The following NBAS variants were observed in gnomAD, a reference collection of about 807,000 sequenced individuals.
The protein encoded by NBAS is NBAS subunit of NRZ tethering complex, also known as NAG/BC035112 fusion.
A neutral mutation model predicts 302.5 loss-of-function variants in NBAS; 219 were observed. The ratio of observed to expected loss-of-function variants is 0.72; its 90% CI spans 0.65 to 0.81. The LOEUF is 0.81. Among genes scored for constraint, NBAS ranks in the 30% least tolerant of loss-of-function variants. The pLI is 0.00. For synonymous variants in NBAS, 1,118 were observed against 1,021.6 expected, an observed-to-expected ratio of 1.09 and a Z score of -1.80; for missense variants, 2,932 against 2,841.6, an observed-to-expected ratio of 1.03 and a Z score of -0.72.
At chr2:15,495,005 C>T (rs1484731112) in intron 11 of NBAS, among the ~76,000 whole-genome samples, 1 of 152,210 alleles carries the variant, frequency 6.6e-6, no homozygotes, top group Non-Finnish European at 1.5e-5. Context: ...ACGCAGGGAA[C>T]ATCTCTTGGC....
chr2:14,929,855 T>G, the NBAS span, among the ~76,000 whole-genome samples: 3 of 152,196 alleles, frequency 2.0e-5, no homozygotes, highest in Admixed American at 6.5e-5. Context: ...AATTTCATGT[T>G]GAATTGTAGT....
intron 44 of NBAS, among the ~76,000 whole-genome samples, chr2:15,249,940 T>C (rs1668284395): frequency 6.6e-6 from 1 of 152,146 alleles, no homozygotes; most frequent in Non-Finnish European, 1.5e-5. Flanking sequence ...TTGACTTTCT[T>C]CACAGAAGTG....
chr2:14,873,064 C>T, the NBAS span, among the ~76,000 whole-genome samples: 2 of 152,134 alleles, frequency 1.3e-5, no homozygotes, highest in Non-Finnish European at 2.9e-5. Flanking sequence ...CCGAGGCTAG[C>T]TCGGGTGGAC....
At chr2:15,231,104 T>C (rs1667365656) in intron 47 of NBAS, among the ~76,000 whole-genome samples, 1 of 152,218 alleles carries the variant, frequency 6.6e-6, no homozygotes. Flanking sequence ...TCCTTGGGGT[T>C]AGAGGTTGTT....
the NBAS span, among the ~76,000 whole-genome samples, chr2:14,832,707 C>T: frequency 2.0e-5 from 3 of 152,096 alleles, no homozygotes; most frequent in South Asian, 2.1e-4. Flanking sequence ...ATGACTGTGG[C>T]GAATACATCT....
At chr2:14,947,907 G>A in the NBAS span, among the ~76,000 whole-genome samples, 1 of 151,810 alleles carries the variant, frequency 6.6e-6, no homozygotes, top group Non-Finnish European at 1.5e-5. Context: ...TTCTGTTAAT[G>A]TGATGTATCA....
intron 48 of NBAS, among the ~76,000 whole-genome samples, chr2:15,205,873 A>G (rs887528074): frequency 3.3e-5 from 5 of 152,214 alleles, no homozygotes; most frequent in African/African-American, 1.2e-4. Context: ...CTGTGAATCA[A>G]TTAAACTTCT....
Position 15,536,422 on chromosome 2 carries a change from C to T in NBAS, c.643G>A (p.Val215Ile). 1 of 1,612,826 alleles carries T rather than the reference C, an allele frequency of 6.2e-7. No homozygotes were observed. The change falls in exon 8 of 52, where the codon GTA becomes ATA. Residue 215 changes from valine (V) to isoleucine (I), a missense_variant. Val to Ile is a conservative substitution (Grantham distance 29). Transcript: ENST00000281513. The stretch of plus-strand genomic sequence containing the variant: ...GCTTCCAAAGCACATTTTTACCTTA[C>T]AAGGTAACTTCTAAGTTCTCCTCGG... ...NYRGELRSYLVSVGTNQSYQE... is the reference protein window; with the variant it reads ...NYRGELRSYLISVGTNQSYQE...
chr2:14,789,348 G>A, the NBAS span, among the ~76,000 whole-genome samples: 15 of 152,068 alleles, frequency 9.9e-5, no homozygotes, highest in African/African-American at 2.4e-4. Context: ...ACTGTCCTGC[G>A]CCCACTGTCT....
intron 21 of NBAS, among the ~76,000 whole-genome samples, chr2:15,429,211 T>C (rs918320050): frequency 6.6e-6 from 1 of 152,068 alleles, no homozygotes. Context: ...CTTCAAACAT[T>C]CTCTCTTAAG....
At chr2:15,340,847 CA>C (rs1672814532) in intron 35 of NBAS, among the ~76,000 whole-genome samples, 1 of 152,032 alleles carries the variant, frequency 6.6e-6, no homozygotes, top group Non-Finnish European at 1.5e-5. Flanking sequence ...TCAAATAAAA[CA>C]AAGACTGAGA....
chr2:15,074,327 AAAG>A, the NBAS span, among the ~76,000 whole-genome samples: 1 of 151,282 alleles, frequency 6.6e-6, no homozygotes, highest in East Asian at 1.9e-4. Context: ...AAACACATGG[AAAG>A]AAGAAGGGAG....
At position 15,206,720 on chromosome 2, in the gene NBAS, T is replaced by C. The variant is rs900580258; in HGVS notation, c.6432+12053A>G. Among the ~76,000 whole-genome samples, 6 of 152,346 alleles carry C rather than the reference T, an allele frequency of 3.9e-5. No homozygotes were observed. The East Asian group carries it at 1.2e-3, about 29-fold the overall frequency. On this transcript the variant is annotated intron_variant, in intron 48 of 51. Coordinates refer to ENST00000281513, the MANE Select transcript of NBAS (RefSeq NM_015909.4). ...AGGGGCAAACACAGAGCTCAGGCCA[T>C]TGCTTCAGAGAGTGCAAGCCAAGCC... is the stretch of plus-strand genomic sequence containing the variant.
At chr2:15,258,464 A>C (rs1668703074) in intron 44 of NBAS, among the ~76,000 whole-genome samples, 1 of 152,174 alleles carries the variant, frequency 6.6e-6, no homozygotes, top group African/African-American at 2.4e-5. Flanking sequence ...AGATATCCCT[A>C]AATTCTTCTC....
At chr2:15,002,081 G>T in the NBAS span, among the ~76,000 whole-genome samples, 1 of 152,154 alleles carries the variant, frequency 6.6e-6, no homozygotes. Flanking sequence ...GGTTCTCCAC[G>T]TCCCCACTAG....
Position 15,275,675 on chromosome 2 carries a change from A to G in NBAS, c.5533T>C (p.Ser1845Pro). 12 of 1,614,202 alleles carry G rather than the reference A, an allele frequency of 7.4e-6. No homozygotes were observed. The highest frequency in any genetic ancestry group is 1.0e-5 in the Non-Finnish European group (12 of 1,180,040). Residue 1845 changes from serine to proline, a missense_variant, in exon 44 of 52, where the codon TCT becomes CCT. Transcript: ENST00000281513. ...EKDGQMLSPS[S>P]LYTIWLQKLF... ...TTCTGTAACCAGATGGTGTACAGAGAGCTTGGGGAAAGCATCTGTCCATCC... is the reference window on the plus strand; with the variant it reads ...TTCTGTAACCAGATGGTGTACAGAGGGCTTGGGGAAAGCATCTGTCCATCC...
rs370817176 is a variant in NBAS at position 15,218,624 on chromosome 2, T to C, written c.6432+149A>G. 21 of 948,762 alleles carry C rather than the reference T, an allele frequency of 2.2e-5. No homozygotes were observed. In the East Asian group the frequency reaches 3.8e-4, roughly 17 times the overall value. The allele number at this position is 948,762 out of a possible 1,614,324, so 58.8% of individuals were successfully genotyped here. A position where few individuals can be genotyped will look rare whatever the true frequency, so the allele number is the denominator to read the frequency against. ...TTAGTAGAGATGGGGTTTTGTCATG[T>C]TGGCCAGGTGCCAGGCTGGTCTTGA... is the stretch of plus-strand genomic sequence containing the variant. On this transcript the variant is annotated intron_variant, in intron 48 of 51. Transcript: ENST00000281513.
chr2:15,425,507 T>C (rs1430441312), intron 22 of NBAS, among the ~76,000 whole-genome samples: 1 of 152,236 alleles, frequency 6.6e-6, no homozygotes, highest in Non-Finnish European at 1.5e-5. Context: ...TTTTATTTAC[T>C]GTTATTTTTG....
At chr2:14,815,475 TC>T in the NBAS span, among the ~76,000 whole-genome samples, 3 of 152,318 alleles carry the variant, frequency 2.0e-5, no homozygotes, top group South Asian at 6.2e-4. Context: ...TGGGAAAACA[TC>T]CGAAAGCTGT....
Sources: gnomAD v4.1 joint callset for allele counts (sites outside exome capture counted in the v4.1 genomes callset) on GRCh38, gnomAD v4.1.1 for gene constraint, MANE v1.5 for transcripts, NCBI Gene and HGNC (gene_info 2026-07-23, HGNC 2026-07-21) for gene names.